Variants in ATP2B2 observed in about 807,000 individuals in gnomAD.
ATP2B2 encodes the protein plasma membrane calcium-transporting ATPase 2.
A neutral mutation model predicts 120.0 loss-of-function variants in ATP2B2; 15 were observed. The ratio of observed to expected loss-of-function variants is 0.12; its 90% CI spans 0.08 to 0.19. The LOEUF is 0.19. ATP2B2 is among the 10% of genes least tolerant of loss of function. The pLI is 1.00. For missense variants in ATP2B2, 1,045 were observed against 1,719.8 expected, an observed-to-expected ratio of 0.61 and a Z score of 6.94; for synonymous variants, 694 against 700.3, an observed-to-expected ratio of 0.99 and a Z score of 0.14.
intron 1 of ATP2B2, among the ~76,000 whole-genome samples, chr3:10,458,980 T>A (rs531068186): frequency 1.3e-5 from 2 of 152,374 alleles, no homozygotes; most frequent in Admixed American, 1.3e-4. Context: ...AGGGTTATTT[T>A]AGCCCCACCC....
At position 10,355,812 on chromosome 3, in the gene ATP2B2, G is replaced by A. The variant is rs1224332172; in HGVS notation, c.2136+2879C>T. Among the ~76,000 whole-genome samples, 5 of 25,308 alleles carry A rather than the reference G, an allele frequency of 2.0e-4. 2 individuals carry two copies. Among genetic ancestry groups the A allele is most frequent in the Non-Finnish European group, 3.8e-4 (5 of 13,054 alleles). The allele number at this position is 25,308 out of a possible 152,430, so 16.6% of individuals were successfully genotyped here. On this transcript the variant is annotated intron_variant, in intron 14 of 22. Transcript: ENST00000360273. ...TTTCCGGCCGGGCGCGGTGGCTCAC[G>A]CCTGTAATCCCAGCACTTTGGGAGG...
chr3:10,487,289 C>T (rs1189254870), intron 1 of ATP2B2, among the ~76,000 whole-genome samples: 1 of 152,060 alleles, frequency 6.6e-6, no homozygotes, highest in African/African-American at 2.4e-5. Context: ...CACACACAGA[C>T]AAACACAGAT....
At chr3:10,534,307 G>C (rs1186986416) in intron 2 of ATP2B2, among the ~76,000 whole-genome samples, 1 of 152,208 alleles carries the variant, frequency 6.6e-6, no homozygotes, top group Non-Finnish European at 1.5e-5. Flanking sequence ...GACCAGCCTG[G>C]GTGGGCTTTG....
chr3:10,324,910 G>A lies in ATP2B2; in HGVS notation c.*3904C>T, dbSNP rs1284595849. The A allele has an allele frequency of 6.6e-6, 1 of 152,248 alleles. No homozygotes were observed. The highest frequency in any genetic ancestry group is 1.5e-5 in the Non-Finnish European group (1 of 68,058). The allele number at this position is 152,248 out of a possible 1,614,324, so 9.4% of individuals were successfully genotyped here. A position where few individuals can be genotyped will look rare whatever the true frequency, so the allele number is the denominator to read the frequency against. ...CATTCTTTCCCAGCTCCAGGCCTAG[G>A]AGAGACTCCTCTTTCTCGTCTGGAC... is the stretch of plus-strand genomic sequence containing the variant. On this transcript the variant is annotated 3_prime_UTR_variant, in exon 23 of 23. Transcript: ENST00000360273.
intron 2 of ATP2B2, among the ~76,000 whole-genome samples, chr3:10,607,941 C>T (rs2069129888): frequency 6.6e-6 from 1 of 152,170 alleles, no homozygotes; most frequent in Non-Finnish European, 1.5e-5. Flanking sequence ...ACCTCCCTCC[C>T]TCTCTCTTCC....
At chr3:10,447,401 G>A (rs2063874434) in intron 2 of ATP2B2, among the ~76,000 whole-genome samples, 2 of 152,230 alleles carry the variant, frequency 1.3e-5, no homozygotes, top group Non-Finnish European at 2.9e-5. Flanking sequence ...AGCCTTTCTG[G>A]TGGGAGTGGT....
At chr3:10,349,786 A>G (rs1165969532) in intron 16 of ATP2B2, among the ~76,000 whole-genome samples, 1 of 152,146 alleles carries the variant, frequency 6.6e-6, no homozygotes, top group African/African-American at 2.4e-5. Context: ...TCCATCATTT[A>G]AAAAGGCGCT....
At position 10,433,615 on chromosome 3, in the gene ATP2B2, C is replaced by T. The variant is rs1192375313; in HGVS notation, c.199+15730G>A. On this transcript the variant is annotated intron_variant, in intron 2 of 22. Coordinates refer to ENST00000360273, the MANE Select transcript of ATP2B2 (RefSeq NM_001001331.4). The stretch of plus-strand genomic sequence containing the variant: ...CCCCCTGAGCAGCTATGTTACAAGA[C>T]GAAACCATGAAGGTTATAGGGTCTT... Among the ~76,000 whole-genome samples the T allele has an allele frequency of 4.6e-5, 7 of 152,234 alleles. No homozygotes were observed. In the South Asian group the frequency reaches 6.2e-4, roughly 14 times the overall value.
At chr3:10,357,599 C>T (rs1354987709) in intron 14 of ATP2B2, among the ~76,000 whole-genome samples, 1 of 152,070 alleles carries the variant, frequency 6.6e-6, no homozygotes, top group Non-Finnish European at 1.5e-5. Context: ...CAGGGTAGGT[C>T]CATTAAGGAG....
intron 16 of ATP2B2, 144 bp downstream of exon 16, chr3:10,349,968 G>T: frequency 1.3e-6 from 1 of 783,570 alleles, no homozygotes; most frequent in Non-Finnish European, 2.0e-6. Flanking sequence ...AAAAGGGGGT[G>T]ACATAAGGCT....
chr3:10,362,270 G>A (rs530948701), intron 12 of ATP2B2, among the ~76,000 whole-genome samples: 32 of 152,360 alleles, frequency 2.1e-4, no homozygotes. Flanking sequence ...GTGGACTCAG[G>A]AAGATGTCAG....
chr3:10,493,939 A>G (rs544767107), intron 1 of ATP2B2, among the ~76,000 whole-genome samples: 3 of 152,352 alleles, frequency 2.0e-5, no homozygotes, highest in Non-Finnish European at 4.4e-5. Context: ...TCCAGTTCAT[A>G]TCACATGGCC....
At chr3:10,338,589 A>G in intron 21 of ATP2B2, 1 of 542,836 alleles carries the variant, frequency 1.8e-6, no homozygotes, top group South Asian at 2.1e-5. Flanking sequence ...GCTGGAGTGC[A>G]ATTTGCTTTT....
At chr3:10,341,554 A>G (rs933698663) in intron 19 of ATP2B2, among the ~76,000 whole-genome samples, 19 of 151,912 alleles carry the variant, frequency 1.3e-4, no homozygotes, top group African/African-American at 4.1e-4. Context: ...CAAGTGATCC[A>G]CCCGCCTCGG....
In ATP2B2 at chr3:10,347,070, G is replaced by C. The variant is rs988379934; in HGVS notation, c.2405-933C>G. Among the ~76,000 whole-genome samples, 1 of 152,010 alleles carries C rather than the reference G, an allele frequency of 6.6e-6. No homozygotes were observed. The highest frequency in any genetic ancestry group is 1.5e-5 in the Non-Finnish European group (1 of 67,996). On this transcript the variant is annotated intron_variant, in intron 16 of 22. Coordinates refer to ENST00000360273, the MANE Select transcript of ATP2B2 (RefSeq NM_001001331.4). This position sits in a 1 kb window ranked among gnomAD's most constrained non-coding sequence, Gnocchi z 5.2. ...CCAGTTCCGTCCCCCAGCCATCCCC[G>C]GAATGTCGTTTTCCTGCTTCCCCCC...
chr3:10,418,468 T>C (rs555408486), intron 2 of ATP2B2, among the ~76,000 whole-genome samples: 1 of 152,318 alleles, frequency 6.6e-6, no homozygotes, highest in South Asian at 2.1e-4. Flanking sequence ...GCTCTTCCCA[T>C]GTGTGGGGCA....
At chr3:10,439,279 A>T (rs2063576369) in intron 2 of ATP2B2, among the ~76,000 whole-genome samples, 1 of 152,216 alleles carries the variant, frequency 6.6e-6, no homozygotes, top group Non-Finnish European at 1.5e-5. Context: ...CTACTAGACC[A>T]ACCTTCTTTA....
At chr3:10,378,537 G>T in intron 9 of ATP2B2, 127 bp from the exon 10 acceptor site, 1 of 1,286,544 alleles carries the variant, frequency 7.8e-7, no homozygotes, top group Non-Finnish European at 1.1e-6. Flanking sequence ...TGCCTGGACT[G>T]AGCCCCGCAT....
At chr3:10,539,077 CAAT>C (rs989853553) in intron 2 of ATP2B2, among the ~76,000 whole-genome samples, 1 of 152,040 alleles carries the variant, frequency 6.6e-6, no homozygotes, top group Non-Finnish European at 1.5e-5. Context: ...TCCTATACAC[CAAT>C]AATAGACAGA....
Sources: allele counts gnomAD v4.1 joint callset (sites outside exome capture counted in the v4.1 genomes callset), GRCh38; gene constraint gnomAD v4.1.1; non-coding constraint Gnocchi (gnomAD v3.1); transcripts MANE v1.5; gene names NCBI Gene and HGNC (gene_info 2026-07-23, HGNC 2026-07-21).